CCM2: variants seen among roughly 807,000 people sequenced by gnomAD.
CCM2 encodes the protein cerebral cavernous malformations 2 protein.
CCM2 carries 25 observed loss-of-function variants against 44.9 expected under a neutral mutation model. The observed-to-expected ratio is 0.56, with a 90% CI of 0.41 to 0.78. The LOEUF is 0.78. Ranked by LOEUF, CCM2 falls within the 30% of genes least tolerant of loss-of-function variation. The pLI, the probability that CCM2 is intolerant of heterozygous loss-of-function variation, is 0.00. For synonymous variants in CCM2, 219 were observed against 241.1 expected (o/e 0.91, Z 0.85); for missense variants, 481 against 580.6 (o/e 0.83, Z 1.76).
intron 1 of CCM2, among the ~76,000 whole-genome samples, chr7:45,036,854 C>G (rs932647181): frequency 6.6e-6 from 1 of 152,066 alleles, no homozygotes; most frequent in East Asian, 1.9e-4. Flanking sequence ...GGGGTCTGAG[C>G]TTGGCCTACT....
Position 45,072,793 on chromosome 7 carries a change from C to T in CCM2, c.803+10C>T. On this transcript the variant is annotated intron_variant, in intron 7 of 9. Coordinates refer to ENST00000258781, the MANE Select transcript of CCM2 (RefSeq NM_031443.4). ...TGGAAGCCAGCACTTTGTGAGTGCACATGCCACCAAGCCCTGCGGTGGGAC... is the reference window on the plus strand; with the variant it reads ...TGGAAGCCAGCACTTTGTGAGTGCATATGCCACCAAGCCCTGCGGTGGGAC... The T allele has an allele frequency of 6.2e-7, 1 of 1,608,860 alleles. No homozygotes were observed. Among genetic ancestry groups the T allele is most frequent in the Non-Finnish European group, 8.5e-7 (1 of 1,176,842 alleles).
At chr7:45,074,915 G>A (rs1799269854) in intron 9 of CCM2, among the ~76,000 whole-genome samples, 1 of 152,204 alleles carries the variant, frequency 6.6e-6, no homozygotes, top group Non-Finnish European at 1.5e-5. Context: ...ACCTCTCAGG[G>A]GCGGTGACTT....
At chr7:45,043,890 T>C (rs1797631131) in intron 2 of CCM2, among the ~76,000 whole-genome samples, 1 of 152,228 alleles carries the variant, frequency 6.6e-6, no homozygotes, top group Non-Finnish European at 1.5e-5. Flanking sequence ...GTTTCTACTA[T>C]ATCTGATTGG....
intron 2 of CCM2, among the ~76,000 whole-genome samples, chr7:45,060,328 T>C (rs1798463486): frequency 6.6e-6 from 1 of 152,236 alleles, no homozygotes; most frequent in Non-Finnish European, 1.5e-5. Context: ...TTTTTTCCTG[T>C]GGAAAAAATT....
At chr7:45,011,169 C>T (rs1024670690) in intron 1 of CCM2, among the ~76,000 whole-genome samples, 1 of 151,774 alleles carries the variant, frequency 6.6e-6, no homozygotes, top group Non-Finnish European at 1.5e-5. Flanking sequence ...GTAGTTAGGA[C>T]GATAGGTGTG....
At chr7:45,045,479 C>T (rs985097866) in intron 2 of CCM2, among the ~76,000 whole-genome samples, 1 of 152,166 alleles carries the variant, frequency 6.6e-6, no homozygotes, top group Non-Finnish European at 1.5e-5. Flanking sequence ...AAATTCAGCA[C>T]CCATTCTTGA....
intron 4 of CCM2, chr7:45,067,926 A>G: frequency 5.2e-6 from 1 of 190,748 alleles, no homozygotes; most frequent in South Asian, 9.9e-5. Context: ...TTCTGCCATC[A>G]GGAAAACCAC....
In CCM2 at chr7:45,051,394, T is replaced by TTTATTTAC. The variant is rs1224655124; in HGVS notation, c.205-12517_205-12516insCTTATTTA. Reference sequence around the variant, plus strand: ...TCCAGGATGCTTGGGTATTTATTTATTTATTTATTTATTTATTTATTGAGA... The same window carrying TTTATTTAC: ...TCCAGGATGCTTGGGTATTTATTTATTTATTTACTTATTTATTTATTTATTTATTGAGA... On this transcript the variant is annotated intron_variant, in intron 2 of 9. Coordinates refer to ENST00000258781, the MANE Select transcript of CCM2 (RefSeq NM_031443.4). Among the ~76,000 whole-genome samples the TTTATTTAC allele has an allele frequency of 3.6e-3, 331 of 91,304 alleles. 2 individuals are homozygous for TTTATTTAC. Among genetic ancestry groups the TTTATTTAC allele is most frequent in the African/African-American group, 0.013 (310 of 23,128 alleles). 59.9% of individuals were successfully genotyped at this position (91,304 alleles called of 152,430 possible).
intron 2 of CCM2, among the ~76,000 whole-genome samples, chr7:45,054,294 A>T (rs965675584): frequency 4.6e-5 from 7 of 152,090 alleles, no homozygotes; most frequent in Admixed American, 6.6e-5. Context: ...AAAAGGGGAT[A>T]GGTCACTTCT....
intron 2 of CCM2, among the ~76,000 whole-genome samples, chr7:45,041,864 G>C (rs1360666948): frequency 1.3e-5 from 2 of 152,194 alleles, no homozygotes; most frequent in East Asian, 1.9e-4. Context: ...AACCAGGGAA[G>C]AATCAGTGGA....
At chr7:45,042,703 A>C (rs1424919932) in intron 2 of CCM2, among the ~76,000 whole-genome samples, 1 of 152,162 alleles carries the variant, frequency 6.6e-6, no homozygotes, top group African/African-American at 2.4e-5. Flanking sequence ...AAAATAGACC[A>C]ATTCCTTGAA....
chr7:45,034,909 C>T (rs183207638), intron 1 of CCM2, among the ~76,000 whole-genome samples: 26 of 152,010 alleles, frequency 1.7e-4, no homozygotes, highest in African/African-American at 6.3e-4. Flanking sequence ...ATGATCACAG[C>T]TTACCGCAGC....
chr7:45,007,351 A>G (rs1199218078), intron 1 of CCM2, among the ~76,000 whole-genome samples: 1 of 152,060 alleles, frequency 6.6e-6, no homozygotes, highest in African/African-American at 2.4e-5. Context: ...TGAACAGTGG[A>G]TCTTTGTTAG....
intron 1 of CCM2, among the ~76,000 whole-genome samples, chr7:45,018,380 TAG>T (rs1414264461): frequency 1.3e-5 from 2 of 152,132 alleles, no homozygotes; most frequent in African/African-American, 4.8e-5. Flanking sequence ...TATTTTGAGA[TAG>T]AGTCTCGCTT....
chr7:45,032,159 C>T (rs532047586), intron 1 of CCM2, among the ~76,000 whole-genome samples: 6 of 152,090 alleles, frequency 3.9e-5, no homozygotes, highest in Non-Finnish European at 7.4e-5. Flanking sequence ...GTTAATATTC[C>T]ACTTTCTAGG....
intron 6 of CCM2, chr7:45,072,501 AT>A (rs1304926161): frequency 1.6e-6 from 1 of 632,802 alleles, no homozygotes; most frequent in Non-Finnish European, 2.9e-6. Flanking sequence ...CAGGATTTGC[AT>A]TTGCCAGGAT....
intron 1 of CCM2, among the ~76,000 whole-genome samples, chr7:45,026,022 C>A (rs1208219633): frequency 1.3e-5 from 2 of 152,176 alleles, no homozygotes; most frequent in South Asian, 4.1e-4. Flanking sequence ...GACTAGTGTT[C>A]AGAGCATGTG....
chr7:45,075,601 C>T lies in CCM2; in HGVS notation c.1055-176C>T, dbSNP rs567902497. 3.9e-5 allele frequency among the ~76,000 whole-genome samples: 6 copies of T among 152,274 alleles called. No individual in the cohort carries two copies. The East Asian group carries it at 1.2e-3, about 29-fold the overall frequency. On this transcript the variant is annotated intron_variant, in intron 9 of 9. Coordinates refer to ENST00000258781, the MANE Select transcript of CCM2 (RefSeq NM_031443.4). ...TTGAGGTTTTAGCCAAACTGTCTGG[C>T]CCCAGGAAGCATGATTTCAACCAGG...
intron 1 of CCM2, among the ~76,000 whole-genome samples, chr7:45,033,044 C>CAAAAAAA (rs60956411): frequency 1.7e-5 from 1 of 58,076 alleles, no homozygotes; most frequent in African/African-American, 6.9e-5. Flanking sequence ...AACTCCGTCT[C>CAAAAAAA]AAAAAAAAAA....
Sources: allele counts gnomAD v4.1 joint callset (sites outside exome capture counted in the v4.1 genomes callset), GRCh38; gene constraint gnomAD v4.1.1; transcripts MANE v1.5; gene names NCBI Gene and HGNC (gene_info 2026-07-23, HGNC 2026-07-21).